Variants in AGBL1 observed in about 807,000 individuals in gnomAD.
The protein encoded by AGBL1 is cytosolic carboxypeptidase 4.
A neutral mutation model predicts 118.9 loss-of-function variants in AGBL1; 130 were observed. The observed-to-expected ratio is 1.09, with a 90% CI of 0.95 to 1.26. The LOEUF (loss-of-function observed/expected upper bound fraction) is 1.26, where lower values mean the gene tolerates loss of function less well. Among genes scored for constraint, AGBL1 ranks in the 50% most tolerant of loss-of-function variants. The pLI is 0.00. For synonymous variants in AGBL1, 555 were observed against 478.9 expected, an observed-to-expected ratio of 1.16 and a Z score of -2.08; for missense variants, 1,584 against 1,298.1, an observed-to-expected ratio of 1.22 and a Z score of -3.38.
intron 24 of AGBL1, among the ~76,000 whole-genome samples, chr15:86,999,079 C>A (rs2081408010): frequency 6.6e-6 from 1 of 151,096 alleles, no homozygotes; most frequent in African/African-American, 2.4e-5. Context: ...CTGTTCAATT[C>A]CCACCTATGA....
chr15:86,273,829 T>C (rs989547418), intron 15 of AGBL1, among the ~76,000 whole-genome samples: 1 of 152,094 alleles, frequency 6.6e-6, no homozygotes, highest in African/African-American at 2.4e-5. Flanking sequence ...GGTACCTGAG[T>C]ATGTTTATAG....
At chr15:86,405,639 C>T (rs1193946141) in intron 18 of AGBL1, among the ~76,000 whole-genome samples, 1 of 152,090 alleles carries the variant, frequency 6.6e-6, no homozygotes, top group Non-Finnish European at 1.5e-5. Context: ...ATGGCTAATA[C>T]ATTTTAAGAG....
chr15:86,142,666 G>C (rs2076979296), intron 2 of AGBL1, among the ~76,000 whole-genome samples: 1 of 152,190 alleles, frequency 6.6e-6, no homozygotes, highest in African/African-American at 2.4e-5. Context: ...CAGACCCATA[G>C]ATCCTCAGGA....
chr15:86,080,769 C>A (rs1327931717), intron 1 of AGBL1, among the ~76,000 whole-genome samples: 1 of 152,016 alleles, frequency 6.6e-6, no homozygotes, highest in Non-Finnish European at 1.5e-5. Context: ...TTTGAAAACT[C>A]CCCCGGGGTC....
chr15:86,917,391 G>C (rs2080437213), downstream of AGBL1, among the ~76,000 whole-genome samples: 1 of 152,156 alleles, frequency 6.6e-6, no homozygotes, highest in Non-Finnish European at 1.5e-5. The surrounding 1 kb of genome is among the most constrained non-coding windows in gnomAD (Gnocchi z 4.8). Context: ...ACACACTCAG[G>C]ATTTCAATCA....
intron 23 of AGBL1, among the ~76,000 whole-genome samples, chr15:86,942,641 A>G (rs906067334): frequency 3.3e-5 from 5 of 152,110 alleles, no homozygotes; most frequent in Admixed American, 6.5e-5. Context: ...CTTAAAACTC[A>G]ATCTGATCTT....
At position 86,461,671 on chromosome 15, in the gene AGBL1, T is replaced by G. The variant is rs76687946; in HGVS notation, c.2556-61139T>G. 1.5e-3 allele frequency among the ~76,000 whole-genome samples: 236 copies of G among 152,308 alleles called. 7 individuals carry two copies. In the East Asian group the frequency reaches 0.04, roughly 26 times the overall value. On this transcript the variant is annotated intron_variant, in intron 18 of 22. Coordinates refer to ENST00000614907, the MANE Select transcript of AGBL1 (RefSeq NM_001386094.1). ...CCATAAACATTTATATTTGGGTGTA[T>G]ATAAAACCCGGAAAATATCTATAAC...
downstream of AGBL1, among the ~76,000 whole-genome samples, chr15:86,919,863 G>A (rs958712071): frequency 2.0e-5 from 3 of 152,162 alleles, no homozygotes; most frequent in African/African-American, 7.2e-5. Flanking sequence ...TGGAGTCCCA[G>A]TGGGGCTGAA....
intron 22 of AGBL1, among the ~76,000 whole-genome samples, chr15:86,734,657 T>A (rs2077568641): frequency 3.3e-5 from 5 of 152,160 alleles, no homozygotes; most frequent in Admixed American, 3.3e-4. Flanking sequence ...GTTCCTATAC[T>A]TCTCTATTGC....
At chr15:86,338,546 C>T (rs2080410142) in intron 17 of AGBL1, among the ~76,000 whole-genome samples, 2 of 152,044 alleles carry the variant, frequency 1.3e-5, no homozygotes, top group South Asian at 2.1e-4. Flanking sequence ...CCCGAAGAAT[C>T]CTTTGCTCTG....
intron 21 of AGBL1, among the ~76,000 whole-genome samples, chr15:86,559,793 C>A (rs889338471): frequency 3.3e-5 from 5 of 151,984 alleles, no homozygotes; most frequent in Admixed American, 3.3e-4. Flanking sequence ...TGAAGCCAGA[C>A]AGATATGTTG....
chr15:86,287,293 A>G (rs932790509), intron 16 of AGBL1, among the ~76,000 whole-genome samples: 7 of 151,938 alleles, frequency 4.6e-5, no homozygotes, highest in Non-Finnish European at 1.0e-4. Context: ...TTTTCTCCCA[A>G]TTTGTGGGTT....
At chr15:86,556,165 C>T (rs1182291241) in intron 21 of AGBL1, 1 of 1,420,074 alleles carries the variant, frequency 7.0e-7, no homozygotes, top group African/African-American at 1.4e-5. Context: ...TTCTCTGGAG[C>T]TGTTTGAAAA....
chr15:86,559,136 CTCT>C (rs1329341904), intron 21 of AGBL1, among the ~76,000 whole-genome samples: 4 of 152,152 alleles, frequency 2.6e-5, no homozygotes, highest in Admixed American at 2.0e-4. Flanking sequence ...TGTGTCTCCC[CTCT>C]TCTTCTTATA....
chr15:86,383,182 A>G (rs1304910254), intron 17 of AGBL1, among the ~76,000 whole-genome samples: 1 of 142,716 alleles, frequency 7.0e-6, no homozygotes, highest in Non-Finnish European at 1.5e-5. Context: ...GGAGCTGGAA[A>G]GGGTTTGGGG....
intron 22 of AGBL1, among the ~76,000 whole-genome samples, chr15:86,904,417 C>T (rs2080253519): frequency 6.6e-6 from 1 of 150,750 alleles, no homozygotes; most frequent in Non-Finnish European, 1.5e-5. Flanking sequence ...ACTTCTCCAT[C>T]TTTTCAGAAG....
chr15:86,524,321 C>T (rs2083232196), intron 19 of AGBL1, among the ~76,000 whole-genome samples: 1 of 152,152 alleles, frequency 6.6e-6, no homozygotes, highest in Non-Finnish European at 1.5e-5. Flanking sequence ...TCACAGGACT[C>T]AGAATAGCAG....
At chr15:86,716,897 A>G (rs980970889) in intron 22 of AGBL1, among the ~76,000 whole-genome samples, 13 of 152,230 alleles carry the variant, frequency 8.5e-5, no homozygotes, top group African/African-American at 2.7e-4. Context: ...TTGTCCGGCC[A>G]TTTATTACGT....
chr15:86,266,507 A>AGAC, intron 12 of AGBL1, 50 bp downstream of exon 12: 1 of 1,311,820 alleles, frequency 7.6e-7, no homozygotes, highest in Non-Finnish European at 1.1e-6. Flanking sequence ...GAATTCTCTT[A>AGAC]ATGGCATGAG....
Sources: gnomAD v4.1 joint callset for allele counts (sites outside exome capture counted in the v4.1 genomes callset) on GRCh38, gnomAD v4.1.1 for gene constraint, Gnocchi (gnomAD v3.1) non-coding constraint, MANE v1.5 for transcripts, NCBI Gene and HGNC (gene_info 2026-07-23, HGNC 2026-07-21) for gene names.